SYT1: variants seen among roughly 807,000 people sequenced by gnomAD.
SYT1 encodes synaptotagmin-1.
In SYT1, 8 loss-of-function variants were observed where a neutral mutation model predicts 44.8. The ratio of observed to expected loss-of-function variants is 0.18; its 90% CI spans 0.10 to 0.32. The LOEUF is 0.32. Among genes scored for constraint, SYT1 ranks in the 10% least tolerant of loss-of-function variants. The probability of loss-of-function intolerance (pLI) is 1.00; values close to 1 mark genes in which losing one functional copy is unlikely to be tolerated. For missense variants in SYT1, 286 were observed against 509.3 expected (o/e 0.56, Z 4.22); for synonymous variants, 154 against 188.8 (o/e 0.82, Z 1.51).
At chr12:79,122,934 A>C (rs1868302974) in intron 3 of SYT1, among the ~76,000 whole-genome samples, 2 of 152,172 alleles carry the variant, frequency 1.3e-5, no homozygotes, top group South Asian at 4.1e-4. Flanking sequence ...ATTAACATCC[A>C]TCATTTTTAA....
chr12:78,995,846 A>T (rs1368772585), intron 2 of SYT1: 3 of 152,210 alleles, frequency 2.0e-5, no homozygotes, highest in Non-Finnish European at 4.4e-5. Flanking sequence ...GGCTCCAAAC[A>T]TGTAAGCAAT....
At chr12:79,003,028 A>G (rs1052937303) in intron 2 of SYT1, among the ~76,000 whole-genome samples, 1 of 152,074 alleles carries the variant, frequency 6.6e-6, no homozygotes, top group African/African-American at 2.4e-5. Context: ...TTAACAGATC[A>G]CAACAATACT....
chr12:79,102,267 TCTTTC>T, intron 3 of SYT1, among the ~76,000 whole-genome samples: 1 of 147,646 alleles, frequency 6.8e-6, no homozygotes, highest in South Asian at 2.2e-4. Flanking sequence ...TCTCTCTCTC[TCTTTC>T]TCTCTCTCTC....
intron 8 of SYT1, among the ~76,000 whole-genome samples, chr12:79,320,691 A>C (rs1881317338): frequency 7.9e-6 from 1 of 126,560 alleles, no homozygotes; most frequent in Non-Finnish European, 1.6e-5. Context: ...GTGCGATCTC[A>C]GCTCACTGCA....
chr12:79,332,951 C>A (rs1881922588), intron 8 of SYT1, among the ~76,000 whole-genome samples: 1 of 152,126 alleles, frequency 6.6e-6, no homozygotes, highest in South Asian at 2.1e-4. Context: ...TGAAACTATC[C>A]AGTAGATGCA....
intron 1 of SYT1, among the ~76,000 whole-genome samples, chr12:78,926,239 G>T (rs1877298314): frequency 6.6e-6 from 1 of 152,052 alleles, no homozygotes; most frequent in Admixed American, 6.6e-5. Flanking sequence ...AACAAATAAA[G>T]CAAGCACTAC....
chr12:79,217,257 A>G (rs1340813872), intron 3 of SYT1, among the ~76,000 whole-genome samples: 1 of 152,252 alleles, frequency 6.6e-6, no homozygotes, highest in Non-Finnish European at 1.5e-5. Context: ...GACAGTATAC[A>G]TAGTATTGCT....
chr12:79,396,034 A>C (rs1472889682), intron 9 of SYT1, among the ~76,000 whole-genome samples: 1 of 152,192 alleles, frequency 6.6e-6, no homozygotes, highest in Non-Finnish European at 1.5e-5. Flanking sequence ...TGGGAATATA[A>C]TTTTTAATTG....
intron 3 of SYT1, among the ~76,000 whole-genome samples, chr12:79,073,115 T>TA (rs1195004929): frequency 2.5e-4 from 38 of 152,084 alleles, no homozygotes; most frequent in African/African-American, 8.4e-4. Flanking sequence ...TTCTTTTTTT[T>TA]AAAAAAAGAC....
chr12:79,239,388 A>G (rs73349442), intron 4 of SYT1, among the ~76,000 whole-genome samples: 5,687 of 152,288 alleles, frequency 0.037, 219 homozygotes, highest in East Asian at 0.11. Context: ...CGGACACATG[A>G]CAACTAAATG....
intron 9 of SYT1, among the ~76,000 whole-genome samples, chr12:79,398,678 T>C (rs1884960993): frequency 6.6e-6 from 1 of 152,176 alleles, no homozygotes; most frequent in South Asian, 2.1e-4. Context: ...ATAAAATTTG[T>C]CAACAGTAGA....
chr12:79,359,891 C>A (rs1883252147), intron 9 of SYT1, among the ~76,000 whole-genome samples: 2 of 152,062 alleles, frequency 1.3e-5, no homozygotes, highest in Non-Finnish European at 2.9e-5. Flanking sequence ...AACCATGAAC[C>A]AGCAGAGGTA....
intron 8 of SYT1, among the ~76,000 whole-genome samples, chr12:79,349,032 A>AAAG (rs1491215913): frequency 8.7e-6 from 1 of 115,428 alleles, no homozygotes; most frequent in African/African-American, 3.6e-5. Context: ...AGAAAGAAAG[A>AAAG]AAAAGAAAGA....
At chr12:78,884,300 A>G (rs1223251405) in intron 1 of SYT1, among the ~76,000 whole-genome samples, 2 of 151,604 alleles carry the variant, frequency 1.3e-5, no homozygotes, top group Non-Finnish European at 3.0e-5. Context: ...TATATATTTT[A>G]TATATTAGGA....
At chr12:79,039,428 G>A (rs1397838654) in intron 2 of SYT1, among the ~76,000 whole-genome samples, 13 of 151,876 alleles carry the variant, frequency 8.6e-5, no homozygotes. Flanking sequence ...GATGGAAGGT[G>A]CAAAATAATC....
chr12:79,074,207 T>A (rs762414559), intron 3 of SYT1, among the ~76,000 whole-genome samples: 1 of 152,154 alleles, frequency 6.6e-6, no homozygotes, highest in South Asian at 2.1e-4. Context: ...AATATGTTAA[T>A]CTCATCTTTT....
intron 4 of SYT1, among the ~76,000 whole-genome samples, chr12:79,239,275 A>G (rs1348297381): frequency 2.0e-5 from 3 of 152,218 alleles, no homozygotes; most frequent in African/African-American, 7.2e-5. Flanking sequence ...ACAAATCCCA[A>G]TTTAGAGACA....
intron 1 of SYT1, among the ~76,000 whole-genome samples, chr12:78,966,725 T>C (rs971747380): frequency 1.3e-5 from 2 of 152,174 alleles, no homozygotes; most frequent in African/African-American, 4.8e-5. Flanking sequence ...ACTACATCCT[T>C]TTGATATGAT....
intron 9 of SYT1, among the ~76,000 whole-genome samples, chr12:79,423,295 G>A (rs1160922048): frequency 6.6e-6 from 1 of 152,144 alleles, no homozygotes; most frequent in African/African-American, 2.4e-5. Context: ...CTAGAAAGGA[G>A]GGAGCTAGTG....
Sources: gnomAD v4.1 joint callset for allele counts (sites outside exome capture counted in the v4.1 genomes callset) on GRCh38, gnomAD v4.1.1 for gene constraint, MANE v1.5 for transcripts, NCBI Gene and HGNC (gene_info 2026-07-23, HGNC 2026-07-21) for gene names.